BLZF1: variants seen among roughly 807,000 people sequenced by gnomAD.
The protein encoded by BLZF1 is basic leucine zipper nuclear factor 1.
In BLZF1, 39 loss-of-function variants were observed where a neutral mutation model predicts 43.8. The ratio of observed to expected loss-of-function variants is 0.89; its 90% CI spans 0.69 to 1.16. The LOEUF (loss-of-function observed/expected upper bound fraction) is 1.16, where lower values mean the gene tolerates loss of function less well. Among genes scored for constraint, BLZF1 ranks in the 50% most tolerant of loss-of-function variants. BLZF1 has a pLI of 0.00. For synonymous variants in BLZF1, 136 were observed against 159.4 expected (o/e 0.85, Z 1.11); for missense variants, 449 against 469.8 (o/e 0.96, Z 0.41).
chr1:169,371,651 C>A (rs1322610549), intron 2 of BLZF1, among the ~76,000 whole-genome samples: 2 of 152,158 alleles, frequency 1.3e-5, no homozygotes, highest in Non-Finnish European at 2.9e-5. Context: ...ATTTGAGCAG[C>A]ACTGTCATCA....
At chr1:169,379,774 T>A (rs1250393549) in intron 4 of BLZF1, among the ~76,000 whole-genome samples, 2 of 151,982 alleles carry the variant, frequency 1.3e-5, no homozygotes, top group Non-Finnish European at 2.9e-5. Flanking sequence ...AATAAAATTT[T>A]GTGTATCCAA....
intron 1 of BLZF1, among the ~76,000 whole-genome samples, chr1:169,369,197 G>A (rs1448872744): frequency 6.6e-6 from 1 of 152,012 alleles, no homozygotes; most frequent in Non-Finnish European, 1.5e-5. Flanking sequence ...CCTTTGCTTG[G>A]CTAAAATTCA....
intron 7 of BLZF1, among the ~76,000 whole-genome samples, chr1:169,393,825 C>T (rs1439732751): frequency 6.6e-6 from 1 of 152,088 alleles, no homozygotes; most frequent in Non-Finnish European, 1.5e-5. Context: ...CGGTCTCAAA[C>T]TCCTGGCCTC....
intron 6 of BLZF1, among the ~76,000 whole-genome samples, chr1:169,386,165 T>C (rs1354048159): frequency 3.9e-5 from 6 of 152,142 alleles, no homozygotes; most frequent in Non-Finnish European, 7.3e-5. Context: ...TAGGAGAGCA[T>C]TGTGTTGTGG....
At position 169,387,121 on chromosome 1, in the gene BLZF1, G is replaced by C; in HGVS notation, c.1142G>C (p.Arg381Thr). 1 of 1,613,286 alleles carries C rather than the reference G, an allele frequency of 6.2e-7. No individual in the cohort carries two copies. The highest frequency in any genetic ancestry group is 8.5e-7 in the Non-Finnish European group (1 of 1,179,790). ...ATTGGACGATTTCATCCCTATACTA[G>C]ATATGAAAATATAACTTTCAATTGC... Reference protein sequence around the residue: ...KNIGRFHPYTRYENITFNCCN... With the variant: ...KNIGRFHPYTTYENITFNCCN... The change falls in exon 7 of 7, where the codon AGA becomes ACA. Residue 381 changes from arginine to threonine, a missense_variant. By Grantham distance (71) the Arg-to-Thr change is moderately conservative. Transcript: ENST00000367808.
At chr1:169,390,350 CAA>C, downstream of BLZF1, among the ~76,000 whole-genome samples, 1 of 151,902 alleles carries the variant, frequency 6.6e-6, no homozygotes, top group African/African-American at 2.4e-5. Context: ...AGAGTGCAGA[CAA>C]ATAGAGAATA....
chr1:169,371,718 A>G (rs1294807687), intron 2 of BLZF1, among the ~76,000 whole-genome samples: 2 of 152,212 alleles, frequency 1.3e-5, no homozygotes, highest in South Asian at 2.1e-4. Flanking sequence ...CATACAGTAA[A>G]TAGTAACAAT....
At chr1:169,386,597 T>A (rs12028813) in intron 6 of BLZF1, among the ~76,000 whole-genome samples, 13,683 of 148,254 alleles carry the variant, frequency 0.092, 813 homozygotes, top group Admixed American at 0.13. Flanking sequence ...GAGAATGGCG[T>A]GAACCCAGGA....
At chr1:169,394,497 C>T (rs1177741929) in intron 7 of BLZF1, among the ~76,000 whole-genome samples, 1 of 152,060 alleles carries the variant, frequency 6.6e-6, no homozygotes, top group Non-Finnish European at 1.5e-5. Context: ...CAGGAGTCCC[C>T]AGTGTCTACT....
At chr1:169,381,910 T>A (rs1287731832) in intron 5 of BLZF1, 152 bp from the exon 6 acceptor site, 1 of 629,422 alleles carries the variant, frequency 1.6e-6, no homozygotes, top group Admixed American at 3.1e-5. Flanking sequence ...CTTACTTGAC[T>A]AAGACATCCG....
intron 6 of BLZF1, 138 bp downstream of exon 6, chr1:169,382,419 C>G: frequency 1.4e-6 from 1 of 707,188 alleles, no homozygotes; most frequent in Non-Finnish European, 2.3e-6. Flanking sequence ...AGTGTGTTAT[C>G]TTGGAGAAAA....
rs1301396441 is a variant in BLZF1, at chr1:169,378,381, C to T, written c.520C>T (p.Gln174Ter). The T allele has an allele frequency of 5.0e-6, 8 of 1,612,766 alleles. No individual in the cohort carries two copies. Among genetic ancestry groups the T allele is most frequent in the Admixed American group, 3.3e-5 (2 of 59,922 alleles). Residue 174 changes from glutamine (Q) to a stop codon, truncating the protein, a stop_gained, in exon 4 of 7, where the codon CAG becomes TAG. Coordinates refer to ENST00000367808, the MANE Select transcript of BLZF1 (RefSeq NM_001320973.2). LOFTEE classifies it high-confidence loss of function. ...LLVASVGDDL[Q>*]YHFERLAREK... ...GGTGGCTTCTGTTGGGGATGATCTT[C>T]AGTATCACTTTGAACGTCTAGCCCG...
intron 3 of BLZF1, 97 bp from the exon 4 acceptor site, chr1:169,378,233 A>C (rs1026396957): frequency 7.9e-7 from 1 of 1,267,336 alleles, no homozygotes; most frequent in African/African-American, 1.5e-5. Flanking sequence ...CGGAGGTCCA[A>C]AATTACACAG....
At chr1:169,371,507 A>C (rs1317632329) in intron 2 of BLZF1, among the ~76,000 whole-genome samples, 1 of 152,212 alleles carries the variant, frequency 6.6e-6, no homozygotes, top group Non-Finnish European at 1.5e-5. Flanking sequence ...TTAGTGAACA[A>C]AAGTTACTTG....
At chr1:169,394,500 T>C (rs1654908021) in intron 7 of BLZF1, among the ~76,000 whole-genome samples, 1 of 152,126 alleles carries the variant, frequency 6.6e-6, no homozygotes, top group South Asian at 2.1e-4. Context: ...GAGTCCCCAG[T>C]GTCTACTGGG....
Position 169,369,549 on chromosome 1 carries a change from A to C in BLZF1, c.27A>C (p.Lys9Asn), listed in dbSNP as rs1654034618. ...TGACTACTAAAAATTTAGAAACCAA[A>C]GGTAAGTGGCTTTTTTATAATTGTT... Reference protein sequence around the residue: MTTKNLETKVTVTSSPIRG... With the variant: MTTKNLETNVTVTSSPIRG... The change falls in exon 2 of 7, where the codon AAA becomes AAC. Residue 9 changes from lysine (K) to asparagine (N), a missense_variant and splice_region_variant. Coordinates refer to ENST00000367808, the MANE Select transcript of BLZF1 (RefSeq NM_001320973.2). 1 of 1,607,290 alleles carries C rather than the reference A, an allele frequency of 6.2e-7. No homozygotes were observed. The highest frequency in any genetic ancestry group is 8.5e-7 in the Non-Finnish European group (1 of 1,175,334).
intron 3 of BLZF1, 77 bp from the exon 4 acceptor site, chr1:169,378,253 C>T: frequency 7.2e-7 from 1 of 1,390,452 alleles, no homozygotes; most frequent in Admixed American, 1.9e-5. Context: ...GAAACACAGT[C>T]TCTTTTTGTT....
intron 2 of BLZF1, among the ~76,000 whole-genome samples, chr1:169,372,956 TA>T (rs1470409237): frequency 6.6e-6 from 1 of 152,190 alleles, no homozygotes; most frequent in Non-Finnish European, 1.5e-5. Flanking sequence ...TTCTTCCCAT[TA>T]TTAGACCTAT....
At chr1:169,375,384 T>TAC (rs1459970014) in intron 2 of BLZF1, among the ~76,000 whole-genome samples, 3 of 107,528 alleles carry the variant, frequency 2.8e-5, no homozygotes, top group Admixed American at 1.1e-4. Context: ...AAAACATATA[T>TAC]ATATAAAACA....
Sources: gnomAD v4.1 joint callset for allele counts (sites outside exome capture counted in the v4.1 genomes callset) on GRCh38, gnomAD v4.1.1 for gene constraint, MANE v1.5 for transcripts, NCBI Gene and HGNC (gene_info 2026-07-23, HGNC 2026-07-21) for gene names.